Variants in SLC9A9 observed in about 807,000 individuals in gnomAD.
SLC9A9 encodes the protein solute carrier family 9 member A9.
In SLC9A9, 62 loss-of-function variants were observed where a neutral mutation model predicts 77.8. The ratio of observed to expected loss-of-function variants is 0.80; its 90% CI spans 0.65 to 0.98. SLC9A9 has a LOEUF of 0.98. Among genes scored for constraint, SLC9A9 ranks in the 50% least tolerant of loss-of-function variants. The probability of loss-of-function intolerance (pLI) is 0.00; values close to 1 mark genes in which losing one functional copy is unlikely to be tolerated. For missense variants in SLC9A9, 775 were observed against 774.9 expected, an observed-to-expected ratio of 1.00 and a Z score of 0.00; for synonymous variants, 320 against 283.5, an observed-to-expected ratio of 1.13 and a Z score of -1.29.
At chr3:143,824,452 T>C (rs1304801360) in intron 2 of SLC9A9, among the ~76,000 whole-genome samples, 1 of 152,200 alleles carries the variant, frequency 6.6e-6, no homozygotes, top group Non-Finnish European at 1.5e-5. Flanking sequence ...TTCACCTCAG[T>C]GAGGCCTTCT....
At chr3:143,502,551 A>C (rs1382143475) in intron 9 of SLC9A9, among the ~76,000 whole-genome samples, 1 of 152,226 alleles carries the variant, frequency 6.6e-6, no homozygotes, top group Non-Finnish European at 1.5e-5. Context: ...CCACACAAAA[A>C]AATGTAATTT....
intron 14 of SLC9A9, among the ~76,000 whole-genome samples, chr3:143,289,736 C>T (rs530772381): frequency 3.3e-5 from 5 of 152,324 alleles, no homozygotes; most frequent in African/African-American, 1.2e-4. Flanking sequence ...AGCACCCCTC[C>T]CTTAGGTGGC....
intron 9 of SLC9A9, among the ~76,000 whole-genome samples, chr3:143,546,082 G>C (rs886106869): frequency 1.4e-4 from 21 of 152,326 alleles, no homozygotes; most frequent in African/African-American, 4.8e-4. Flanking sequence ...ATGAGTACTA[G>C]AGGATGGGGG....
chr3:143,401,019 C>T (rs1437422324), intron 12 of SLC9A9, among the ~76,000 whole-genome samples: 3 of 151,964 alleles, frequency 2.0e-5, no homozygotes, highest in African/African-American at 7.3e-5. Flanking sequence ...TTCATTTTTC[C>T]CTCTACATCT....
In SLC9A9 at chr3:143,265,878, G is replaced by A. The variant is rs1559844277; in HGVS notation, c.*824C>T. On this transcript the variant is annotated 3_prime_UTR_variant, in exon 16 of 16. Transcript: ENST00000316549. ...ACAGGCTGCAGAATCCTACCCTCCA[G>A]CATATCGCGGGGAGGGGGGGACCTG... 1.6e-6 allele frequency: 1 copy of A among 606,226 alleles called. No individual in the cohort carries two copies. Among genetic ancestry groups the A allele is most frequent in the Non-Finnish European group, 3.0e-6 (1 of 338,274 alleles). The allele number at this position is 606,226 out of a possible 1,614,324, so 37.6% of individuals were successfully genotyped here. A position where few individuals can be genotyped will look rare whatever the true frequency, so the allele number is the denominator to read the frequency against.
At chr3:143,433,489 C>G (rs1369433641) in intron 12 of SLC9A9, among the ~76,000 whole-genome samples, 4 of 152,106 alleles carry the variant, frequency 2.6e-5, no homozygotes, top group Non-Finnish European at 5.9e-5. Flanking sequence ...TAGAAATTAT[C>G]CAATTTCTCT....
intron 14 of SLC9A9, among the ~76,000 whole-genome samples, chr3:143,334,156 T>C (rs375191625): frequency 1.3e-5 from 2 of 152,352 alleles, no homozygotes; most frequent in South Asian, 2.1e-4. Flanking sequence ...AAATCCAATT[T>C]TGATCCTGTA....
intron 14 of SLC9A9, among the ~76,000 whole-genome samples, chr3:143,277,269 A>C (rs963270084): frequency 3.9e-5 from 6 of 152,230 alleles, no homozygotes; most frequent in Non-Finnish European, 7.3e-5. Context: ...ATACAGAAGA[A>C]AGTCGAAACC....
At chr3:143,401,700 T>C (rs999146838) in intron 12 of SLC9A9, among the ~76,000 whole-genome samples, 5 of 152,170 alleles carry the variant, frequency 3.3e-5, no homozygotes, top group Non-Finnish European at 5.9e-5. Context: ...ATTCCTAGGC[T>C]GGATCAGGTT....
chr3:143,668,110 A>G (rs9758594), intron 5 of SLC9A9, among the ~76,000 whole-genome samples: 265 of 152,254 alleles, frequency 1.7e-3, no homozygotes, highest in African/African-American at 6.0e-3. Context: ...GACTAGATTA[A>G]GGAAATGTGG....
chr3:143,804,447 G>A (rs1336419354), intron 2 of SLC9A9, among the ~76,000 whole-genome samples: 1 of 152,070 alleles, frequency 6.6e-6, no homozygotes, highest in East Asian at 1.9e-4. Flanking sequence ...TACCCCATCA[G>A]TCCCCATTAC....
chr3:143,840,597 T>C (rs2009682431), intron 1 of SLC9A9, among the ~76,000 whole-genome samples: 1 of 152,170 alleles, frequency 6.6e-6, no homozygotes. Context: ...CTACTTAATA[T>C]GGATGTATTT....
At chr3:143,685,094 A>G (rs913479104) in intron 5 of SLC9A9, among the ~76,000 whole-genome samples, 1 of 152,130 alleles carries the variant, frequency 6.6e-6, no homozygotes, top group Non-Finnish European at 1.5e-5. Context: ...CTCAAGCCAC[A>G]TATGTAATTT....
chr3:143,831,360 A>G (rs558117470), intron 2 of SLC9A9, among the ~76,000 whole-genome samples: 4 of 152,350 alleles, frequency 2.6e-5, no homozygotes, highest in African/African-American at 9.6e-5. Flanking sequence ...GATTCCTGAA[A>G]GCAGAAGAAA....
intron 12 of SLC9A9, among the ~76,000 whole-genome samples, chr3:143,455,461 C>T (rs998690210): frequency 3.3e-5 from 5 of 152,136 alleles, no homozygotes; most frequent in African/African-American, 1.2e-4. Flanking sequence ...TGTCCTCCTG[C>T]GATTTTGATT....
chr3:143,356,361 ATG>A (rs1479582423), intron 14 of SLC9A9, among the ~76,000 whole-genome samples: 1 of 152,226 alleles, frequency 6.6e-6, no homozygotes. Context: ...AGAGGATAGT[ATG>A]TATCATTCCT....
chr3:143,371,918 C>A lies in SLC9A9; in HGVS notation c.1525-8355G>T, dbSNP rs1049298777. On this transcript the variant is annotated intron_variant, in intron 13 of 15. Coordinates refer to ENST00000316549, the MANE Select transcript of SLC9A9 (RefSeq NM_173653.4). ...ACAAATCAGTAGCACTGCTGTATACCAACAGTGACCAAGCTGAGAATCAAA... is the reference window on the plus strand; with the variant it reads ...ACAAATCAGTAGCACTGCTGTATACAAACAGTGACCAAGCTGAGAATCAAA... 3.0e-5 allele frequency: 11 copies of A among 361,502 alleles called. No individual in the cohort carries two copies. In the East Asian group the frequency reaches 6.0e-4, roughly 20 times the overall value. 22.4% of individuals were successfully genotyped at this position (361,502 alleles called of 1,614,324 possible).
At chr3:143,556,624 T>A (rs929200675) in intron 8 of SLC9A9, among the ~76,000 whole-genome samples, 2 of 152,202 alleles carry the variant, frequency 1.3e-5, no homozygotes, top group African/African-American at 4.8e-5. Flanking sequence ...ACTCCTAGGG[T>A]TCACACTTGC....
chr3:143,681,314 A>G (rs1933082894), intron 5 of SLC9A9, among the ~76,000 whole-genome samples: 1 of 152,130 alleles, frequency 6.6e-6, no homozygotes, highest in African/African-American at 2.4e-5. Flanking sequence ...TTTACTTAGA[A>G]TTTTTATTAG....
Sources: gnomAD v4.1 joint callset for allele counts (sites outside exome capture counted in the v4.1 genomes callset) on GRCh38, gnomAD v4.1.1 for gene constraint, MANE v1.5 for transcripts, NCBI Gene and HGNC (gene_info 2026-07-23, HGNC 2026-07-21) for gene names.